VAPA: variants seen among roughly 807,000 people sequenced by gnomAD.
VAPA encodes the protein vesicle-associated membrane protein-associated protein A.
In VAPA, 6 loss-of-function variants were observed where a neutral mutation model predicts 25.6. That is an observed-to-expected ratio of 0.23 (90% CI 0.13 to 0.46). VAPA has a LOEUF of 0.46. Among genes scored for constraint, VAPA ranks in the 20% least tolerant of loss-of-function variants. The pLI is 0.99. For missense variants in VAPA, 244 were observed against 302.1 expected (o/e 0.81, Z 1.43); for synonymous variants, 112 against 106.2 (o/e 1.05, Z -0.34).
At position 9,958,599 on chromosome 18, in the gene VAPA, T is replaced by C. The variant is rs1436503143; in HGVS notation, c.*4388T>C. Reference sequence around the variant, plus strand: ...GGGTGGAGATCTGGCATGGTAGTTTTTTTCAAGCTCCAATCATCGGCCAGA... The same window carrying C: ...GGGTGGAGATCTGGCATGGTAGTTTCTTTCAAGCTCCAATCATCGGCCAGA... On this transcript the variant is annotated 3_prime_UTR_variant, in exon 6 of 6. Coordinates refer to ENST00000400000, the MANE Select transcript of VAPA (RefSeq NM_194434.3). 1.3e-5 allele frequency: 2 copies of C among 152,112 alleles called. No homozygotes were observed. The highest frequency in any genetic ancestry group is 4.8e-5 in the African/African-American group (2 of 41,414). 9.4% of individuals were successfully genotyped at this position (152,112 alleles called of 1,614,324 possible).
intron 4 of VAPA, among the ~76,000 whole-genome samples, chr18:9,938,351 A>G (rs1335091109): frequency 6.6e-6 from 1 of 152,208 alleles, no homozygotes; most frequent in East Asian, 1.9e-4. Context: ...GGTATTTGAT[A>G]CTGCTGATTA....
chr18:9,925,469 TAA>T (rs968405417), intron 1 of VAPA, among the ~76,000 whole-genome samples: 15 of 152,096 alleles, frequency 9.9e-5, no homozygotes, highest in African/African-American at 3.4e-4. Flanking sequence ...AAAATAGAAC[TAA>T]GACTCATTTT....
chr18:9,947,620 A>G lies in VAPA; in HGVS notation c.418-2775A>G, dbSNP rs1423085605. 14 of 152,204 alleles carry G rather than the reference A, an allele frequency of 9.2e-5. 1 individual carries two copies. Among genetic ancestry groups the G allele is most frequent in the Admixed American group, 9.2e-4 (14 of 15,284 alleles). The allele number at this position is 152,204 out of a possible 1,614,324, so 9.4% of individuals were successfully genotyped here. On this transcript the variant is annotated intron_variant, in intron 4 of 5. Coordinates refer to ENST00000400000, the MANE Select transcript of VAPA (RefSeq NM_194434.3). ...TTGCAGTGTTAAATGTAAGGTTACC[A>G]TTCATCAATTTACTAAGAGTCACAG...
intron 4 of VAPA, among the ~76,000 whole-genome samples, chr18:9,941,530 T>C (rs919031396): frequency 6.6e-6 from 1 of 152,218 alleles, no homozygotes; most frequent in African/African-American, 2.4e-5. Flanking sequence ...CATGTGGTAA[T>C]AAGACCCTAT....
chr18:9,915,922 A>G (rs2069108421), intron 1 of VAPA: 1 of 152,130 alleles, frequency 6.6e-6, no homozygotes, highest in African/African-American at 2.4e-5. Flanking sequence ...CCTTTGAGGA[A>G]TTATGAAGAG....
At chr18:9,946,561 C>T (rs149881521) in intron 4 of VAPA, among the ~76,000 whole-genome samples, 145 of 151,332 alleles carry the variant, frequency 9.6e-4, no homozygotes, top group African/African-American at 3.4e-3. Flanking sequence ...CCAGTGAGGC[C>T]CAGGGAAGCC....
rs878967143 is a variant in VAPA, at chr18:9,959,652, T to A, written c.*5441T>A. 1 of 142,664 alleles carries A rather than the reference T, an allele frequency of 7.0e-6. No individual in the cohort carries two copies. Among genetic ancestry groups the A allele is most frequent in the South Asian group, 2.2e-4 (1 of 4,552 alleles). The allele number at this position is 142,664 out of a possible 1,614,324, so 8.8% of individuals were successfully genotyped here. A position where few individuals can be genotyped will look rare whatever the true frequency, so the allele number is the denominator to read the frequency against. Reference sequence around the variant, plus strand: ...AAAAATTGTTATGTACTATAGGCACTTAAGAACCCTGAGGAAAAATAATAC... The same window carrying A: ...AAAAATTGTTATGTACTATAGGCACATAAGAACCCTGAGGAAAAATAATAC... On this transcript the variant is annotated 3_prime_UTR_variant, in exon 6 of 6. Coordinates refer to ENST00000400000, the MANE Select transcript of VAPA (RefSeq NM_194434.3).
At chr18:9,932,546 C>A (rs61329164) in intron 2 of VAPA, among the ~76,000 whole-genome samples, 2,003 of 152,306 alleles carry the variant, frequency 0.013, 54 homozygotes, top group African/African-American at 0.044. Flanking sequence ...GATACTGGTA[C>A]CATATCTAAT....
In VAPA at chr18:9,959,236, G is replaced by GT. The variant is rs2143473785; in HGVS notation, c.*5026dup. The GT allele has an allele frequency of 6.6e-6, 1 of 152,316 alleles. No individual in the cohort carries two copies. The highest frequency in any genetic ancestry group is 2.1e-4 in the South Asian group (1 of 4,826). 9.4% of individuals were successfully genotyped at this position (152,316 alleles called of 1,614,324 possible). ...GTCAAATATTGACTCCTCACAAACA[G>GT]TAAGTATGGCAATTTTGTGATGCCT... is the stretch of plus-strand genomic sequence containing the variant. On this transcript the variant is annotated 3_prime_UTR_variant, in exon 6 of 6. Coordinates refer to ENST00000400000, the MANE Select transcript of VAPA (RefSeq NM_194434.3).
rs758549198 is a variant in VAPA, at chr18:9,925,477, A to AT, written c.80-6325dup. 4.6e-4 allele frequency among the ~76,000 whole-genome samples: 70 copies of AT among 151,926 alleles called. 1 individual carries two copies. The highest frequency in any genetic ancestry group is 6.8e-3 in the Middle Eastern group (2 of 294). On this transcript the variant is annotated intron_variant, in intron 1 of 5. Transcript: ENST00000400000. The stretch of plus-strand genomic sequence containing the variant: ...GTTTTTAAAAATAGAACTAAGACTC[A>AT]TTTTTTTTCCCAGAAAGTATTACTC...
chr18:9,923,734 CTCACTAACAACAGA>C (rs2069176298), intron 1 of VAPA, among the ~76,000 whole-genome samples: 1 of 152,024 alleles, frequency 6.6e-6, no homozygotes, highest in Non-Finnish European at 1.5e-5. Context: ...TGAGAAAAAC[CTCACTAACAACAGA>C]TCCCCAAAAA....
chr18:9,959,989 C>G lies in VAPA; in HGVS notation c.*5778C>G, dbSNP rs2069590152. 1 of 121,016 alleles carries G rather than the reference C, an allele frequency of 8.3e-6. No homozygotes were observed. The highest frequency in any genetic ancestry group is 1.9e-5 in the Non-Finnish European group (1 of 51,288). The allele number at this position is 121,016 out of a possible 1,614,324, so 7.5% of individuals were successfully genotyped here. On this transcript the variant is annotated 3_prime_UTR_variant, in exon 6 of 6. Coordinates refer to ENST00000400000, the MANE Select transcript of VAPA (RefSeq NM_194434.3). Reference sequence around the variant, plus strand: ...GATATATTTCACATGAAAACAAATACAAACGAGAATCAAAATAAAGTTTTG... The same window carrying G: ...GATATATTTCACATGAAAACAAATAGAAACGAGAATCAAAATAAAGTTTTG...
Position 9,957,382 on chromosome 18 carries a change from G to A in VAPA, c.*3171G>A, listed in dbSNP as rs951536621. ...ACCTAAAGTTGATATTATTTGGTAT[G>A]GGAATTACTTTTGAACTGTAATCTT... On this transcript the variant is annotated 3_prime_UTR_variant, in exon 6 of 6. Transcript: ENST00000400000. 2.6e-5 allele frequency: 4 copies of A among 152,108 alleles called. No homozygotes were observed. Among genetic ancestry groups the A allele is most frequent in the African/African-American group, 9.7e-5 (4 of 41,418 alleles). The allele number at this position is 152,108 out of a possible 1,614,324, so 9.4% of individuals were successfully genotyped here. A position where few individuals can be genotyped will look rare whatever the true frequency, so the allele number is the denominator to read the frequency against.
chr18:9,914,332 A>C lies in VAPA; in HGVS notation c.76A>C (p.Lys26Gln). 2.5e-6 allele frequency: 4 copies of C among 1,577,966 alleles called. No individual in the cohort carries two copies. The highest frequency in any genetic ancestry group is 3.4e-6 in the Non-Finnish European group (4 of 1,163,974). ...CGATCCGCCCACAGACCTCAAATTC[A>C]AAGGTAGGCAGAACGGGGACACCCC... The part of the protein sequence containing the change: ...VLDPPTDLKF[K>Q]GPFTDVVTTN... Residue 26 changes from lysine (K) to glutamine (Q), a missense_variant, in exon 1 of 6, where the codon AAA becomes CAA. Around this residue, in one of 2 missense-constraint regions of VAPA, gnomAD observed 99 missense variants for 161.6 expected, o/e 0.61. Coordinates refer to ENST00000400000, the MANE Select transcript of VAPA (RefSeq NM_194434.3).
At chr18:9,927,822 A>G (rs188692481) in intron 1 of VAPA, among the ~76,000 whole-genome samples, 17 of 152,156 alleles carry the variant, frequency 1.1e-4, no homozygotes, top group Non-Finnish European at 8.8e-5. Flanking sequence ...AAAATTTGGG[A>G]CTAGGAGTAG....
chr18:9,943,891 C>T (rs1198580518), intron 4 of VAPA, among the ~76,000 whole-genome samples: 1 of 97,740 alleles, frequency 1.0e-5, no homozygotes, highest in Non-Finnish European at 1.9e-5. Context: ...GACAGTGTCT[C>T]GCTCTGTCAC....
intron 4 of VAPA, among the ~76,000 whole-genome samples, chr18:9,947,432 A>G (rs1008954650): frequency 2.0e-5 from 3 of 152,216 alleles, no homozygotes; most frequent in Non-Finnish European, 4.4e-5. Flanking sequence ...GAACACTATC[A>G]TATGTATGAA....
In VAPA at chr18:9,925,764, TATTTC is replaced by T. The variant is rs144931284; in HGVS notation, c.80-6044_80-6040del. Among the ~76,000 whole-genome samples the T allele has an allele frequency of 7.2e-3, 1,097 of 152,296 alleles. 8 individuals are homozygous for T. Among genetic ancestry groups the T allele is most frequent in the Non-Finnish European group, 0.012 (804 of 67,984 alleles). ...AAATATTTTTTGAGTGCTTGATACT[TATTTC>T]AGGAAGTGTTCAGTGTTGACCTGTG... is the stretch of plus-strand genomic sequence containing the variant. On this transcript the variant is annotated intron_variant, in intron 1 of 5. Transcript: ENST00000400000.
intron 1 of VAPA, among the ~76,000 whole-genome samples, chr18:9,918,774 C>CG (rs753746258): frequency 4.6e-5 from 7 of 152,234 alleles, no homozygotes; most frequent in Non-Finnish European, 7.3e-5. Context: ...ATTTTACCGT[C>CG]AGTCAAGAGC....
Sources: gnomAD v4.1 joint callset for allele counts (sites outside exome capture counted in the v4.1 genomes callset) on GRCh38, gnomAD v4.1.1 for gene constraint, gnomAD v4.1.1 regional missense constraint, MANE v1.5 for transcripts, NCBI Gene and HGNC (gene_info 2026-07-23, HGNC 2026-07-21) for gene names.